SFXN1: variants seen among roughly 807,000 people sequenced by gnomAD.
SFXN1 encodes the protein sideroflexin 1.
SFXN1 carries 32 observed loss-of-function variants against 39.5 expected under a neutral mutation model. The ratio of observed to expected loss-of-function variants is 0.81; its 90% CI spans 0.61 to 1.09. The LOEUF (loss-of-function observed/expected upper bound fraction) is 1.09, where lower values mean the gene tolerates loss of function less well. Ranked by LOEUF, SFXN1 falls within the 50% of genes least tolerant of loss-of-function variation. The pLI is 0.00. For missense variants in SFXN1, 402 were observed against 407.1 expected (o/e 0.99, Z 0.11); for synonymous variants, 136 against 146.5 (o/e 0.93, Z 0.52).
intron 1 of SFXN1, 48 bp from the exon 2 acceptor site, chr5:175,492,047 A>G (rs1759672841): frequency 7.0e-7 from 1 of 1,432,158 alleles, no homozygotes; most frequent in Non-Finnish European, 9.5e-7. Context: ...CTAAATACGT[A>G]GTGACATTGT....
intron 8 of SFXN1, 122 bp downstream of exon 8, chr5:175,516,785 C>G (rs1213191892): frequency 1.0e-5 from 9 of 895,328 alleles, no homozygotes; most frequent in East Asian, 5.4e-5. Context: ...TGGGCTCTTA[C>G]GTAAATAAAA....
At chr5:175,511,849 C>CTCTCTT (rs1760527913) in intron 5 of SFXN1, among the ~76,000 whole-genome samples, 1 of 149,636 alleles carries the variant, frequency 6.7e-6, no homozygotes, top group South Asian at 2.1e-4. Flanking sequence ...GCATCTCTCT[C>CTCTCTT]TCTCTCTCTC....
At chr5:175,480,665 A>T (rs1332992029) in intron 1 of SFXN1, among the ~76,000 whole-genome samples, 1 of 152,264 alleles carries the variant, frequency 6.6e-6, no homozygotes, top group Admixed American at 6.5e-5. Flanking sequence ...ACCAACTGGC[A>T]GGGAATATCC....
At chr5:175,510,025 C>A in intron 3 of SFXN1, 84 bp from the exon 4 acceptor site, 1 of 1,082,708 alleles carries the variant, frequency 9.2e-7, no homozygotes, top group South Asian at 1.4e-5. Context: ...CGTCTCCTCT[C>A]TGGTTACTGG....
chr5:175,520,015 A>G (rs1581325911), intron 8 of SFXN1, among the ~76,000 whole-genome samples: 1 of 151,494 alleles, frequency 6.6e-6, no homozygotes, highest in Non-Finnish European at 1.5e-5. Flanking sequence ...AACTACAGGC[A>G]TGTACCACCA....
chr5:175,520,451 C>T (rs1011176481), intron 8 of SFXN1, among the ~76,000 whole-genome samples: 4 of 151,852 alleles, frequency 2.6e-5, no homozygotes, highest in African/African-American at 7.3e-5. Flanking sequence ...GGATGGGGTG[C>T]GGGGGTGGTG....
intron 1 of SFXN1, among the ~76,000 whole-genome samples, chr5:175,488,256 G>A (rs573317557): frequency 2.7e-5 from 4 of 149,746 alleles, no homozygotes; most frequent in African/African-American, 9.8e-5. Flanking sequence ...TCCTCACTCC[G>A]CCCCAGCTCA....
intron 1 of SFXN1, among the ~76,000 whole-genome samples, chr5:175,481,964 A>G (rs76222933): frequency 2.6e-5 from 4 of 152,216 alleles, no homozygotes; most frequent in African/African-American, 9.6e-5. Context: ...TCCTTGGCAG[A>G]CACATCTTCT....
chr5:175,491,777 G>A (rs267383), intron 1 of SFXN1: 100,964 of 191,326 alleles, frequency 0.53, 26,981 homozygotes, highest in Non-Finnish European at 0.56. Flanking sequence ...GTGAGCTGCC[G>A]CACCCATCCT....
intron 2 of SFXN1, among the ~76,000 whole-genome samples, chr5:175,501,612 T>A (rs1479749705): frequency 1.3e-5 from 2 of 152,182 alleles, no homozygotes; most frequent in Non-Finnish European, 2.9e-5. Flanking sequence ...CTATATCACT[T>A]GAACTATATC....
intron 1 of SFXN1, among the ~76,000 whole-genome samples, chr5:175,485,086 A>C (rs1759400617): frequency 6.6e-6 from 1 of 152,208 alleles, no homozygotes; most frequent in African/African-American, 2.4e-5. Flanking sequence ...TTTTGTGAGA[A>C]TGCTAATGTG....
Position 175,499,835 on chromosome 5 carries a change from G to A in SFXN1, c.164+7568G>A, listed in dbSNP as rs191075721. 5.1e-3 allele frequency among the ~76,000 whole-genome samples: 778 copies of A among 152,276 alleles called. 2 individuals are homozygous for A. Among genetic ancestry groups the A allele is most frequent in the African/African-American group, 0.016 (647 of 41,552 alleles). Reference sequence around the variant, plus strand: ...AACTTTTTTTTTCAAAAAAGACAAAGATAGGAAATGAAAAAGTAAAACTTT... The same window carrying A: ...AACTTTTTTTTTCAAAAAAGACAAAAATAGGAAATGAAAAAGTAAAACTTT... On this transcript the variant is annotated intron_variant, in intron 2 of 10. Coordinates refer to ENST00000321442, the MANE Select transcript of SFXN1 (RefSeq NM_022754.7).
chr5:175,505,298 G>C (rs1223928054), intron 2 of SFXN1, among the ~76,000 whole-genome samples: 2 of 151,786 alleles, frequency 1.3e-5, no homozygotes, highest in African/African-American at 4.8e-5. Context: ...ACTTTGGGAG[G>C]CCGAGGCAGG....
chr5:175,515,322 A>G lies in SFXN1; in HGVS notation c.725-1292A>G, dbSNP rs1760681465. Among the ~76,000 whole-genome samples, 4 of 152,200 alleles carry G rather than the reference A, an allele frequency of 2.6e-5. No homozygotes were observed. In the South Asian group the frequency reaches 8.3e-4, roughly 32 times the overall value. The stretch of plus-strand genomic sequence containing the variant: ...ATGTCCGGCCCTGGGTTTGCTTTTG[A>G]TTGTGGTCTTTTCTGTTTTGAATTG... On this transcript the variant is annotated intron_variant, in intron 7 of 10. Coordinates refer to ENST00000321442, the MANE Select transcript of SFXN1 (RefSeq NM_022754.7).
rs72819251 is a variant in SFXN1 at position 175,510,391 on chromosome 5, A to G, written c.434+184A>G. ...AAAGTGTTTCATTTTCTCTCTCCCT[A>G]TCAAGAAAACAGTCTTCTTCCAGCC... On this transcript the variant is annotated intron_variant, in intron 4 of 10. Coordinates refer to ENST00000321442, the MANE Select transcript of SFXN1 (RefSeq NM_022754.7). 1.8e-3 allele frequency: 1,001 copies of G among 571,926 alleles called. 1 individual carries two copies. The highest frequency in any genetic ancestry group is 2.7e-3 in the Non-Finnish European group (877 of 326,586). The allele number at this position is 571,926 out of a possible 1,614,324, so 35.4% of individuals were successfully genotyped here.
chr5:175,510,057 G>T, intron 3 of SFXN1, 52 bp from the exon 4 acceptor site: 1 of 1,487,144 alleles, frequency 6.7e-7, no homozygotes, highest in Middle Eastern at 1.8e-4. Context: ...TCTGTTCCAT[G>T]CCGCGGCTGG....
intron 2 of SFXN1, among the ~76,000 whole-genome samples, chr5:175,506,818 C>T (rs1275756162): frequency 6.6e-6 from 1 of 152,146 alleles, no homozygotes; most frequent in Non-Finnish European, 1.5e-5. Flanking sequence ...AGTTGCCTGA[C>T]ACTGCACTGG....
At chr5:175,495,986 C>T (rs189272710) in intron 2 of SFXN1, among the ~76,000 whole-genome samples, 43 of 149,264 alleles carry the variant, frequency 2.9e-4, no homozygotes, top group African/African-American at 5.4e-4. Flanking sequence ...CAGCAACCTC[C>T]GCCTCCCAGG....
rs139064452 is a variant in SFXN1 at position 175,492,260 on chromosome 5, G to A, written c.157G>A (p.Asp53Asn). 77 of 1,608,400 alleles carry A rather than the reference G, an allele frequency of 4.8e-5. No individual in the cohort carries two copies. The highest frequency in any genetic ancestry group is 5.9e-5 in the Non-Finnish European group (70 of 1,178,434). The change falls in exon 2 of 11, where the codon GAT becomes AAT. Residue 53 changes from aspartate (D) to asparagine (N), a missense_variant. Asp to Asn is a conservative substitution (Grantham distance 23, BLOSUM62 1). Coordinates refer to ENST00000321442, the MANE Select transcript of SFXN1 (RefSeq NM_022754.7). ...QLESARKIVH[D>N]YRQGIVPPGL... ...CGAGAGTGCGAGAAAAATAGTACATGATTACAGGTAACATTAATTATTGTT... is the reference window on the plus strand; with the variant it reads ...CGAGAGTGCGAGAAAAATAGTACATAATTACAGGTAACATTAATTATTGTT...
Sources: allele counts gnomAD v4.1 joint callset (sites outside exome capture counted in the v4.1 genomes callset), GRCh38; gene constraint gnomAD v4.1.1; transcripts MANE v1.5; gene names NCBI Gene and HGNC (gene_info 2026-07-23, HGNC 2026-07-21).